Variants in ARID2 observed in about 807,000 individuals in gnomAD.
The protein encoded by ARID2 is AT-rich interactive domain-containing protein 2.
In ARID2, 32 loss-of-function variants were observed where a neutral mutation model predicts 184.6. The ratio of observed to expected loss-of-function variants is 0.17; its 90% CI spans 0.13 to 0.23. The LOEUF is 0.23. Among genes scored for constraint, ARID2 ranks in the 10% least tolerant of loss-of-function variants. The pLI is 1.00. For synonymous variants in ARID2, 836 were observed against 772.6 expected (o/e 1.08, Z -1.36); for missense variants, 1,696 against 2,197.6 (o/e 0.77, Z 4.56).
intron 3 of ARID2, among the ~76,000 whole-genome samples, chr12:45,732,730 A>G (rs1941026931): frequency 6.6e-6 from 1 of 152,194 alleles, no homozygotes; most frequent in Admixed American, 6.5e-5. Flanking sequence ...ACTGTTTGAA[A>G]TACATATTTT....
chr12:45,883,024 T>A lies in ARID2; in HGVS notation c.4923-8756T>A, dbSNP rs1028458910. Among the ~76,000 whole-genome samples the A allele has an allele frequency of 5.3e-5, 8 of 152,342 alleles. No homozygotes were observed. The South Asian group carries it at 1.2e-3, about 24-fold the overall frequency. On this transcript the variant is annotated intron_variant, in intron 16 of 20. Transcript: ENST00000334344. ...TTGTCGTCATCTTGCTGTTTCTAGG[T>A]TGATAAAATATTTTGTGTGAGAGCG...
At chr12:45,834,581 A>G (rs1447469369) in intron 6 of ARID2, among the ~76,000 whole-genome samples, 3 of 152,120 alleles carry the variant, frequency 2.0e-5, no homozygotes, top group Non-Finnish European at 4.4e-5. Context: ...CATCTCTCCT[A>G]AAAGTACAAA....
chr12:45,781,114 C>T lies in ARID2; in HGVS notation c.285-30304C>T, dbSNP rs184647885. ...TATTTATGGCTGCATTACAAATTACCCTCAAACCCAGCACTTAAAACAACA... is the reference window on the plus strand; with the variant it reads ...TATTTATGGCTGCATTACAAATTACTCTCAAACCCAGCACTTAAAACAACA... On this transcript the variant is annotated intron_variant, in intron 3 of 20. Transcript: ENST00000334344. Among the ~76,000 whole-genome samples, 88 of 151,676 alleles carry T rather than the reference C, an allele frequency of 5.8e-4. No individual in the cohort carries two copies. In the Middle Eastern group the frequency reaches 0.02, roughly 35 times the overall value.
chr12:45,767,072 A>G (rs1428122451), intron 3 of ARID2, among the ~76,000 whole-genome samples: 1 of 152,128 alleles, frequency 6.6e-6, no homozygotes, highest in Non-Finnish European at 1.5e-5. Flanking sequence ...TGGCCAATCT[A>G]TTTTTTGCCA....
intron 10 of ARID2, among the ~76,000 whole-genome samples, chr12:45,838,036 G>A (rs1041242209): frequency 4.6e-5 from 7 of 152,196 alleles, no homozygotes; most frequent in African/African-American, 1.7e-4. Flanking sequence ...ATGGCTATCA[G>A]TAATTCCTAT....
At chr12:45,849,893 T>C (rs1383575247) in intron 14 of ARID2, 117 bp downstream of exon 14, 5 of 1,405,174 alleles carry the variant, frequency 3.6e-6, no homozygotes, top group Non-Finnish European at 4.7e-6. Context: ...AGCATTTTCT[T>C]ACTTGGTCTA....
chr12:45,862,205 A>G (rs925902235), intron 16 of ARID2, among the ~76,000 whole-genome samples: 3 of 152,202 alleles, frequency 2.0e-5, no homozygotes, highest in African/African-American at 7.2e-5. Flanking sequence ...AAAATTAAAT[A>G]TATCATAGTT....
intron 11 of ARID2, chr12:45,842,181 T>C (rs1377279757): frequency 6.7e-6 from 1 of 149,960 alleles, no homozygotes; most frequent in African/African-American, 2.5e-5. Context: ...TAGTGAGCTA[T>C]GAATGTGTCA....
intron 3 of ARID2, among the ~76,000 whole-genome samples, chr12:45,751,830 A>C (rs961248002): frequency 2.0e-5 from 3 of 152,218 alleles, no homozygotes; most frequent in African/African-American, 7.2e-5. Flanking sequence ...GTACAGTAAA[A>C]ATATGATATT....
intron 16 of ARID2, among the ~76,000 whole-genome samples, chr12:45,865,643 A>AT (rs1348488411): frequency 6.6e-6 from 1 of 152,088 alleles, no homozygotes; most frequent in Non-Finnish European, 1.5e-5. Flanking sequence ...AACTTATGTG[A>AT]TTTTTTAGTT....
intron 6 of ARID2, among the ~76,000 whole-genome samples, chr12:45,825,728 G>A (rs868460145): frequency 4.6e-5 from 7 of 152,216 alleles, no homozygotes; most frequent in African/African-American, 1.7e-4. Context: ...GTTGGGCATC[G>A]TGGTGCATGA....
intron 6 of ARID2, among the ~76,000 whole-genome samples, chr12:45,830,843 G>T (rs577299096): frequency 6.6e-6 from 1 of 152,116 alleles, no homozygotes; most frequent in Admixed American, 6.5e-5. Context: ...ATCATTTGAG[G>T]TCAGGAGTTT....
At chr12:45,873,129 C>A (rs536363764) in intron 16 of ARID2, among the ~76,000 whole-genome samples, 2 of 152,142 alleles carry the variant, frequency 1.3e-5, no homozygotes, top group Non-Finnish European at 2.9e-5. Context: ...TTATGTAATG[C>A]CCCTCTTGAT....
intron 3 of ARID2, among the ~76,000 whole-genome samples, chr12:45,736,649 CT>C (rs1414651257): frequency 1.3e-5 from 2 of 152,134 alleles, no homozygotes; most frequent in African/African-American, 4.8e-5. Flanking sequence ...GGGGATTCTC[CT>C]TTTGCTGCTT....
chr12:45,875,995 A>G (rs1327143951), intron 16 of ARID2, among the ~76,000 whole-genome samples: 2 of 152,220 alleles, frequency 1.3e-5, no homozygotes, highest in African/African-American at 4.8e-5. Flanking sequence ...TTTCATTTAC[A>G]TTCACAGCTT....
At chr12:45,734,851 T>C (rs945371333) in intron 3 of ARID2, among the ~76,000 whole-genome samples, 4 of 152,224 alleles carry the variant, frequency 2.6e-5, no homozygotes, top group African/African-American at 9.6e-5. Flanking sequence ...TTTAAAATTT[T>C]GTTTTTGCTT....
At position 45,905,472 on chromosome 12, in the gene ARID2, A is replaced by C. The variant is rs1242856350; in HGVS notation, c.*394A>C. 2.1e-5 allele frequency: 5 copies of C among 234,148 alleles called. No homozygotes were observed. The highest frequency in any genetic ancestry group is 5.6e-5 in the Admixed American group (1 of 17,830). The allele number at this position is 234,148 out of a possible 1,614,324, so 14.5% of individuals were successfully genotyped here. A position where few individuals can be genotyped will look rare whatever the true frequency, so the allele number is the denominator to read the frequency against. On this transcript the variant is annotated 3_prime_UTR_variant, in exon 21 of 21. Coordinates refer to ENST00000334344, the MANE Select transcript of ARID2 (RefSeq NM_152641.4). ...CATTAAATATTTTTATCTATATCCA[A>C]AAAGGAGCACATTTTTATATTTACA...
At chr12:45,772,936 T>C (rs1409077254) in intron 3 of ARID2, among the ~76,000 whole-genome samples, 1 of 152,130 alleles carries the variant, frequency 6.6e-6, no homozygotes, top group African/African-American at 2.4e-5. Flanking sequence ...AGCAGAACAC[T>C]ATCCAACAGT....
intron 20 of ARID2, among the ~76,000 whole-genome samples, chr12:45,899,133 G>A (rs1476546100): frequency 2.7e-5 from 4 of 150,634 alleles, no homozygotes; most frequent in Non-Finnish European, 5.9e-5. Context: ...TTAGCTGGGC[G>A]TGGTGGCGCG....
Sources: allele counts gnomAD v4.1 joint callset (sites outside exome capture counted in the v4.1 genomes callset), GRCh38; gene constraint gnomAD v4.1.1; transcripts MANE v1.5; gene names NCBI Gene and HGNC (gene_info 2026-07-23, HGNC 2026-07-21).